Variants in LPP observed in about 807,000 individuals in gnomAD.
The protein encoded by LPP is LIM domain containing preferred translocation partner in lipoma.
Under a neutral mutation model 60.4 loss-of-function variants are expected in LPP, and 38 were observed. The ratio of observed to expected loss-of-function variants is 0.63; its 90% CI spans 0.49 to 0.83. The LOEUF (loss-of-function observed/expected upper bound fraction) is 0.83, where lower values mean the gene tolerates loss of function less well. Among genes scored for constraint, LPP ranks in the 40% least tolerant of loss-of-function variants. LPP has a pLI of 0.00. For missense variants in LPP, 902 were observed against 783.6 expected (o/e 1.15, Z -1.80); for synonymous variants, 328 against 290.8 (o/e 1.13, Z -1.30).
intron 7 of LPP, among the ~76,000 whole-genome samples, chr3:188,619,866 T>C (rs1845496796): frequency 6.6e-6 from 1 of 152,186 alleles, no homozygotes; most frequent in African/African-American, 2.4e-5. Context: ...AAGAACAGAA[T>C]ATCAAAATCA....
At chr3:188,185,023 T>G (rs1294103559) in intron 1 of LPP, among the ~76,000 whole-genome samples, 1 of 152,058 alleles carries the variant, frequency 6.6e-6, no homozygotes, top group Non-Finnish European at 1.5e-5. Context: ...ATGAAGCCAA[T>G]GGGAGTGCTG....
intron 7 of LPP, among the ~76,000 whole-genome samples, chr3:188,706,981 A>C (rs567086197): frequency 6.6e-6 from 1 of 152,278 alleles, no homozygotes; most frequent in Non-Finnish European, 1.5e-5. Flanking sequence ...GGCAATGGAA[A>C]ATGTGATAAA....
chr3:188,415,073 A>G (rs78560769), intron 4 of LPP, among the ~76,000 whole-genome samples: 3,712 of 152,240 alleles, frequency 0.024, 152 homozygotes, highest in African/African-American at 0.082. Flanking sequence ...TAATTCTTGT[A>G]TGGTTCAAAA....
intron 7 of LPP, among the ~76,000 whole-genome samples, chr3:188,707,275 G>C (rs773615379): frequency 6.6e-6 from 1 of 152,052 alleles, no homozygotes. Flanking sequence ...AGTGTACACT[G>C]TACCCATAAG....
intron 7 of LPP, among the ~76,000 whole-genome samples, chr3:188,624,273 C>T (rs1846352603): frequency 6.6e-6 from 1 of 152,092 alleles, no homozygotes; most frequent in African/African-American, 2.4e-5. Context: ...AAGAGCTGAT[C>T]AGAGAAAGGG....
intron 7 of LPP, among the ~76,000 whole-genome samples, chr3:188,663,102 A>AAAAC (rs773065310): frequency 1.3e-5 from 2 of 152,328 alleles, no homozygotes; most frequent in Non-Finnish European, 2.9e-5. Context: ...AGTGGGGAGA[A>AAAAC]AAACAAACAA....
rs980864420 is a variant in LPP, at chr3:188,885,095, G to A, written c.*10616G>A. ...GCAAGTGTTCCTTCTCTTGAGCTGC[G>A]TCCCTCAGGAAGCTGTACCTTTAGG... On this transcript the variant is annotated 3_prime_UTR_variant, in exon 12 of 12. Coordinates refer to ENST00000617246, the MANE Select transcript of LPP (RefSeq NM_001375462.1). The A allele has an allele frequency of 1.9e-5, 4 of 213,804 alleles. No homozygotes were observed. The highest frequency in any genetic ancestry group is 1.4e-3 in the Middle Eastern group (1 of 696). 13.2% of individuals were successfully genotyped at this position (213,804 alleles called of 1,614,324 possible).
In LPP at chr3:188,688,873, C is replaced by T. The variant is rs774652518; in HGVS notation, c.1114-19394C>T. The stretch of plus-strand genomic sequence containing the variant: ...CTCCTGGAGGGCAGGCACTTTCGTT[C>T]ATCTGAAAAAGAGCTTAAATTTCAG... On this transcript the variant is annotated intron_variant, in intron 7 of 11. Transcript: ENST00000617246. 5.8e-6 allele frequency: 3 copies of T among 517,800 alleles called. No individual in the cohort carries two copies. In the African/African-American group the frequency reaches 5.9e-5, roughly 10 times the overall value. The allele number at this position is 517,800 out of a possible 1,614,324, so 32.1% of individuals were successfully genotyped here.
At chr3:188,377,325 CG>C (rs1263246683) in intron 3 of LPP, among the ~76,000 whole-genome samples, 3 of 152,194 alleles carry the variant, frequency 2.0e-5, no homozygotes, top group Non-Finnish European at 4.4e-5. Context: ...TCATTCTCCC[CG>C]TCACTTTCAG....
chr3:188,418,079 C>T (rs895238793), intron 4 of LPP, among the ~76,000 whole-genome samples: 2 of 152,144 alleles, frequency 1.3e-5, no homozygotes, highest in Non-Finnish European at 2.9e-5. Flanking sequence ...CACTTTCTCA[C>T]ATAATATCTA....
At chr3:188,641,190 C>T (rs1850038720) in intron 7 of LPP, among the ~76,000 whole-genome samples, 1 of 152,242 alleles carries the variant, frequency 6.6e-6, no homozygotes. Context: ...GGAAGACTCT[C>T]AAATTGCAGT....
At chr3:188,824,881 A>G (rs1754966355) in intron 9 of LPP, among the ~76,000 whole-genome samples, 1 of 152,212 alleles carries the variant, frequency 6.6e-6, no homozygotes, top group Non-Finnish European at 1.5e-5. Context: ...TGATGATGAC[A>G]TACCAAGCTT....
At chr3:188,202,859 G>A (rs913468421) in intron 1 of LPP, among the ~76,000 whole-genome samples, 27 of 151,978 alleles carry the variant, frequency 1.8e-4, no homozygotes, top group African/African-American at 6.5e-4. Context: ...GTGGATATAT[G>A]AGGTGACTCT....
In LPP at chr3:188,883,506, C is replaced by T. The variant is rs146135050; in HGVS notation, c.*9027C>T. 0.015 allele frequency: 2,717 copies of T among 183,288 alleles called. 31 individuals are homozygous for T. Among genetic ancestry groups the T allele is most frequent in the Non-Finnish European group, 0.02 (1,760 of 86,398 alleles). 11.4% of individuals were successfully genotyped at this position (183,288 alleles called of 1,614,324 possible). A position where few individuals can be genotyped will look rare whatever the true frequency, so the allele number is the denominator to read the frequency against. ...CAGCACTTTGGGAGGCCGAGGCGAG[C>T]GGATCATGAGGTCAAGAGATCGAGA... On this transcript the variant is annotated 3_prime_UTR_variant, in exon 12 of 12. Coordinates refer to ENST00000617246, the MANE Select transcript of LPP (RefSeq NM_001375462.1).
intron 7 of LPP, among the ~76,000 whole-genome samples, chr3:188,657,483 C>T (rs1853554542): frequency 6.6e-6 from 1 of 151,630 alleles, no homozygotes; most frequent in African/African-American, 2.4e-5. Context: ...TTAGCATTAC[C>T]AGTGGATTCT....
Position 188,156,368 on chromosome 3 carries a change from AG to A in LPP, c.-190+2118del, listed in dbSNP as rs143343218. Among the ~76,000 whole-genome samples, 521 of 152,214 alleles carry A rather than the reference AG, an allele frequency of 3.4e-3. 1 individual carries two copies. The highest frequency in any genetic ancestry group is 6.5e-3 in the Non-Finnish European group (441 of 68,010). ...AGTTCCAGGAAATGATGGACGGGAG[AG>A]GAAACTTGGTTATAAAGGGGCTTAA... is the stretch of plus-strand genomic sequence containing the variant. On this transcript the variant is annotated intron_variant, in intron 1 of 11. Transcript: ENST00000617246.
At chr3:188,549,952 A>T (rs1352635938) in intron 6 of LPP, among the ~76,000 whole-genome samples, 2 of 152,196 alleles carry the variant, frequency 1.3e-5, no homozygotes, top group African/African-American at 4.8e-5. Flanking sequence ...CTACTTTCAT[A>T]GAAAGTATAG....
At chr3:188,494,089 AG>A (rs1297679328) in intron 5 of LPP, among the ~76,000 whole-genome samples, 1 of 152,202 alleles carries the variant, frequency 6.6e-6, no homozygotes, top group Non-Finnish European at 1.5e-5. Flanking sequence ...ATTTAAATGC[AG>A]GGTGGCCATA....
chr3:188,505,806 T>G (rs1002643503), intron 5 of LPP, among the ~76,000 whole-genome samples: 56 of 152,330 alleles, frequency 3.7e-4, no homozygotes, highest in Middle Eastern at 3.4e-3. Context: ...CATTCTATCT[T>G]TTTCACATTC....
Sources: allele counts gnomAD v4.1 joint callset (sites outside exome capture counted in the v4.1 genomes callset), GRCh38; gene constraint gnomAD v4.1.1; transcripts MANE v1.5; gene names NCBI Gene and HGNC (gene_info 2026-07-23, HGNC 2026-07-21).